Variants in SUMF1 observed in about 807,000 individuals in gnomAD.
SUMF1 encodes the protein sulfatase modifying factor 1, also known as formylglycine-generating enzyme.
Under a neutral mutation model 47.6 loss-of-function variants are expected in SUMF1, and 48 were observed. The ratio of observed to expected loss-of-function variants is 1.01; its 90% CI spans 0.80 to 1.28. The LOEUF is 1.28. Among genes scored for constraint, SUMF1 ranks in the 50% most tolerant of loss-of-function variants. The probability of loss-of-function intolerance (pLI) is 0.00; values close to 1 mark genes in which losing one functional copy is unlikely to be tolerated. For missense variants in SUMF1, 571 were observed against 485.4 expected (o/e 1.18, Z -1.66); for synonymous variants, 230 against 192.1 (o/e 1.20, Z -1.63).
At chr3:4,222,332 G>A (rs1004904689) in intron 8 of SUMF1, among the ~76,000 whole-genome samples, 14 of 151,914 alleles carry the variant, frequency 9.2e-5, no homozygotes, top group East Asian at 1.9e-4. Context: ...TCTACTGAAC[G>A]CCTGTACAAC....
At chr3:4,273,328 A>T (rs1697340758) in intron 8 of SUMF1, among the ~76,000 whole-genome samples, 1 of 152,144 alleles carries the variant, frequency 6.6e-6, no homozygotes, top group South Asian at 2.1e-4. Context: ...ATAGAATGAA[A>T]TAGTATTTGG....
chr3:4,147,118 C>T (rs571630215), intron 8 of SUMF1, among the ~76,000 whole-genome samples: 3 of 152,158 alleles, frequency 2.0e-5, no homozygotes, highest in African/African-American at 4.8e-5. Flanking sequence ...CAATGAGATA[C>T]CATCTCACAC....
At chr3:4,124,433 G>A (rs770850365) in intron 8 of SUMF1, among the ~76,000 whole-genome samples, 7 of 152,022 alleles carry the variant, frequency 4.6e-5, no homozygotes, top group East Asian at 1.9e-4. Context: ...GTCAGACTTC[G>A]TTTCCTCCCT....
At chr3:4,154,407 A>C (rs1296709058) in intron 8 of SUMF1, among the ~76,000 whole-genome samples, 2 of 151,736 alleles carry the variant, frequency 1.3e-5, no homozygotes, top group Admixed American at 6.5e-5. Flanking sequence ...TTACCACTCC[A>C]GCATGAATAA....
intron 8 of SUMF1, among the ~76,000 whole-genome samples, chr3:4,281,972 A>C (rs1697538712): frequency 5.3e-5 from 8 of 152,246 alleles, no homozygotes; most frequent in Admixed American, 5.2e-4. Context: ...AGCCAGAATG[A>C]AGAAGATTGT....
At chr3:4,099,689 T>A (rs1397938711) in intron 8 of SUMF1, among the ~76,000 whole-genome samples, 1 of 152,050 alleles carries the variant, frequency 6.6e-6, no homozygotes, top group Non-Finnish European at 1.5e-5. Flanking sequence ...GCTGAGGACA[T>A]GATCTTATAT....
intron 9 of SUMF1, among the ~76,000 whole-genome samples, chr3:4,038,727 A>C (rs1414227127): frequency 6.6e-6 from 1 of 152,212 alleles, no homozygotes; most frequent in Non-Finnish European, 1.5e-5. Context: ...TGAGGGCAGC[A>C]GGAATAGAAC....
intron 8 of SUMF1, among the ~76,000 whole-genome samples, chr3:4,125,837 T>G (rs965661873): frequency 6.6e-6 from 1 of 152,064 alleles, no homozygotes; most frequent in Non-Finnish European, 1.5e-5. Context: ...TGACCACATG[T>G]GGCTAGTTTT....
At chr3:4,118,172 CTT>C (rs1236775875) in intron 8 of SUMF1, among the ~76,000 whole-genome samples, 4 of 151,982 alleles carry the variant, frequency 2.6e-5, no homozygotes, top group African/African-American at 9.7e-5. Context: ...CCTGAGTTCT[CTT>C]TGTACTCTTG....
At chr3:4,236,956 C>G (rs1467445318) in intron 8 of SUMF1, among the ~76,000 whole-genome samples, 3 of 152,116 alleles carry the variant, frequency 2.0e-5, no homozygotes, top group African/African-American at 7.2e-5. Context: ...TCATACTTTT[C>G]CCTTTTCCAG....
At chr3:4,046,838 A>G (rs1357595051) in intron 9 of SUMF1, among the ~76,000 whole-genome samples, 1 of 152,040 alleles carries the variant, frequency 6.6e-6, no homozygotes, top group Non-Finnish European at 1.5e-5. Context: ...AGGATCTTTC[A>G]AATCACTAAT....
chr3:4,297,221 C>T (rs78651726), intron 8 of SUMF1, among the ~76,000 whole-genome samples: 1 of 151,908 alleles, frequency 6.6e-6, no homozygotes, highest in African/African-American at 2.4e-5. Context: ...GAGCCCACCC[C>T]GTTAGACGGG....
At chr3:4,351,987 G>A (rs536750526) in intron 8 of SUMF1, among the ~76,000 whole-genome samples, 180 of 152,244 alleles carry the variant, frequency 1.2e-3, no homozygotes, top group African/African-American at 4.1e-3. Context: ...TAAGTGGTAG[G>A]AGAAGAATTT....
intron 8 of SUMF1, among the ~76,000 whole-genome samples, chr3:4,157,632 C>T (rs2125110812): frequency 6.6e-6 from 1 of 151,630 alleles, no homozygotes; most frequent in Non-Finnish European, 1.5e-5. Context: ...CTGTGTTCTT[C>T]TCTCTAATCA....
intron 4 of SUMF1, among the ~76,000 whole-genome samples, chr3:4,419,124 C>G (rs1232346760): frequency 6.6e-6 from 1 of 152,186 alleles, no homozygotes; most frequent in African/African-American, 2.4e-5. Context: ...CATACATTCC[C>G]CTTTTGGGTT....
intron 8 of SUMF1, among the ~76,000 whole-genome samples, chr3:4,344,464 A>G (rs1314071382): frequency 6.6e-6 from 1 of 152,182 alleles, no homozygotes; most frequent in African/African-American, 2.4e-5. Flanking sequence ...TTTGAAAGAA[A>G]AACAAGCAGA....
At chr3:4,044,548 C>T (rs1694971880) in intron 9 of SUMF1, among the ~76,000 whole-genome samples, 1 of 152,160 alleles carries the variant, frequency 6.6e-6, no homozygotes, top group African/African-American at 2.4e-5. Flanking sequence ...TACAAATTAT[C>T]CATGCTCAAT....
chr3:4,172,552 G>C (rs528303902), intron 8 of SUMF1, among the ~76,000 whole-genome samples: 2 of 152,216 alleles, frequency 1.3e-5, no homozygotes, highest in Admixed American at 6.5e-5. Flanking sequence ...TTACAGATGA[G>C]GAAAGTGAGG....
At chr3:4,069,045 T>C (rs555030656) in intron 8 of SUMF1, among the ~76,000 whole-genome samples, 32 of 152,244 alleles carry the variant, frequency 2.1e-4, no homozygotes, top group East Asian at 9.7e-4. Flanking sequence ...AGGAAGTTGA[T>C]AGAATCAGCA....
Sources: gnomAD v4.1 joint callset for allele counts (sites outside exome capture counted in the v4.1 genomes callset) on GRCh38, gnomAD v4.1.1 for gene constraint, MANE v1.5 for transcripts, NCBI Gene and HGNC (gene_info 2026-07-23, HGNC 2026-07-21) for gene names.